The following AMN1 variants were observed in gnomAD, a reference collection of about 807,000 sequenced individuals.
The protein encoded by AMN1 is antagonist of mitotic exit network 1 homolog.
AMN1 carries 20 observed loss-of-function variants against 33.0 expected under a neutral mutation model. The ratio of observed to expected loss-of-function variants is 0.61; its 90% CI spans 0.43 to 0.88. AMN1 has a LOEUF of 0.88. Among genes scored for constraint, AMN1 ranks in the 40% least tolerant of loss-of-function variants. The pLI is 0.00. For missense variants in AMN1, 246 were observed against 307.4 expected, an observed-to-expected ratio of 0.80 and a Z score of 1.49; for synonymous variants, 114 against 111.9, an observed-to-expected ratio of 1.02 and a Z score of -0.12.
At chr12:31,678,851 C>T (rs1388785913) in intron 6 of AMN1, among the ~76,000 whole-genome samples, 1 of 151,792 alleles carries the variant, frequency 6.6e-6, no homozygotes, top group Non-Finnish European at 1.5e-5. Context: ...AGTGATCTGG[C>T]AAAAATAAAC....
chr12:31,709,176 A>T, intron 2 of AMN1, 117 bp downstream of exon 2: 1 of 1,263,564 alleles, frequency 7.9e-7, no homozygotes, highest in Non-Finnish European at 1.1e-6. Flanking sequence ...CCCTGTATAA[A>T]AAAAAAAAAA....
intron 1 of AMN1, among the ~76,000 whole-genome samples, chr12:31,720,974 A>G (rs1565782976): frequency 6.6e-6 from 1 of 152,208 alleles, no homozygotes; most frequent in Admixed American, 6.5e-5. Context: ...AGTGGCTCAT[A>G]TCTATAATCC....
At chr12:31,720,540 C>CAAA (rs764141018) in intron 1 of AMN1, among the ~76,000 whole-genome samples, 2,837 of 124,712 alleles carry the variant, frequency 0.023, 43 homozygotes, top group Middle Eastern at 0.058. Context: ...AACTCTGTCT[C>CAAA]AAAAAAAAAA....
chr12:31,681,396 T>C (rs1043545294), intron 6 of AMN1, among the ~76,000 whole-genome samples: 1 of 152,090 alleles, frequency 6.6e-6, no homozygotes, highest in Non-Finnish European at 1.5e-5. Context: ...GCCTGGCTAA[T>C]TTTTGTATTT....
intron 6 of AMN1, among the ~76,000 whole-genome samples, chr12:31,675,297 G>C (rs940171837): frequency 2.0e-5 from 3 of 151,610 alleles, no homozygotes; most frequent in African/African-American, 7.3e-5. Context: ...GCACATGCCT[G>C]TAGTCCCAAT....
chr12:31,718,167 C>A (rs1340446048), intron 1 of AMN1, among the ~76,000 whole-genome samples: 1 of 151,698 alleles, frequency 6.6e-6, no homozygotes, highest in Non-Finnish European at 1.5e-5. Context: ...GTAAGTTGAT[C>A]TTCAATCTCT....
intron 1 of AMN1, among the ~76,000 whole-genome samples, chr12:31,723,068 G>A (rs1312217703): frequency 6.6e-6 from 1 of 152,094 alleles, no homozygotes; most frequent in African/African-American, 2.4e-5. Context: ...TGAGGCAGGA[G>A]AATCACTTGA....
At chr12:31,704,973 C>T (rs147478780) in intron 2 of AMN1, among the ~76,000 whole-genome samples, 148 of 152,224 alleles carry the variant, frequency 9.7e-4, no homozygotes, top group Non-Finnish European at 1.7e-3. Context: ...ATCTATGAGT[C>T]ACATATAACA....
At chr12:31,682,677 A>G (rs1938075617) in intron 6 of AMN1, among the ~76,000 whole-genome samples, 1 of 152,164 alleles carries the variant, frequency 6.6e-6, no homozygotes, top group African/African-American at 2.4e-5. Flanking sequence ...TTGGTTATTT[A>G]GGCTATACTT....
Position 31,677,565 on chromosome 12 carries a change from T to C in AMN1, c.704-5188A>G, listed in dbSNP as rs79060228. Among the ~76,000 whole-genome samples, 1,472 of 152,310 alleles carry C rather than the reference T, an allele frequency of 9.7e-3. 20 individuals carry two copies. The highest frequency in any genetic ancestry group is 0.034 in the African/African-American group (1,393 of 41,556). On this transcript the variant is annotated intron_variant, in intron 6 of 6. Transcript: ENST00000281471. The stretch of plus-strand genomic sequence containing the variant: ...AATCAATTGTATCTCTGTTCCCTTA[T>C]CTTTAAAATGAGGGAGTTGTATAGA...
chr12:31,720,562 TC>T (rs1353645673), intron 1 of AMN1, among the ~76,000 whole-genome samples: 2 of 149,664 alleles, frequency 1.3e-5, no homozygotes, highest in Non-Finnish European at 3.0e-5. Flanking sequence ...AAAAAGTCAA[TC>T]CCCATTCCTC....
intron 6 of AMN1, among the ~76,000 whole-genome samples, chr12:31,677,926 T>G (rs1342162529): frequency 6.6e-6 from 1 of 152,160 alleles, no homozygotes; most frequent in Non-Finnish European, 1.5e-5. Context: ...TAGGAGATCA[T>G]AAGGCCCTCA....
At position 31,709,328 on chromosome 12, in the gene AMN1, T is replaced by C. The variant is rs771911909; in HGVS notation, c.136A>G (p.Met46Val). Residue 46 changes from methionine (M) to valine (V), a missense_variant, in exon 2 of 7, where the codon ATG (methionine) becomes GTG (valine). Met to Val is a conservative substitution (Grantham distance 21). Coordinates refer to ENST00000281471, the MANE Select transcript of AMN1 (RefSeq NM_001113402.2). ...IKDRLIKIMSMQGQITDSNIS... is the reference protein window; with the variant it reads ...IKDRLIKIMSVQGQITDSNIS... ...TTTGAATCTGTTATCTGTCCCTGCA[T>C]ACTCATTATTTTAATCAGTCTGTCT... 1.1e-5 allele frequency: 17 copies of C among 1,613,638 alleles called. No homozygotes were observed. Among genetic ancestry groups the C allele is most frequent in the Middle Eastern group, 1.6e-4 (1 of 6,084 alleles).
intron 1 of AMN1, among the ~76,000 whole-genome samples, chr12:31,724,247 T>C (rs1331930112): frequency 6.6e-6 from 1 of 152,132 alleles, no homozygotes; most frequent in African/African-American, 2.4e-5. Flanking sequence ...CTACAAGGAT[T>C]GGGTGGAAAA....
At chr12:31,720,015 T>C (rs1939822418) in intron 1 of AMN1, among the ~76,000 whole-genome samples, 1 of 152,254 alleles carries the variant, frequency 6.6e-6, no homozygotes, top group African/African-American at 2.4e-5. Flanking sequence ...ATATATTTCA[T>C]TGTGTGAATA....
At chr12:31,681,300 C>T (rs1938001886) in intron 6 of AMN1, among the ~76,000 whole-genome samples, 1 of 152,114 alleles carries the variant, frequency 6.6e-6, no homozygotes, top group Non-Finnish European at 1.5e-5. Flanking sequence ...ATGACCTTGG[C>T]TCACTGCAAC....
rs185858481 is a variant in AMN1, at chr12:31,718,720, T to C, written c.39-9295A>G. 3.7e-3 allele frequency among the ~76,000 whole-genome samples: 570 copies of C among 152,342 alleles called. 2 individuals are homozygous for C. Among genetic ancestry groups the C allele is most frequent in the Middle Eastern group, 0.014 (4 of 294 alleles). On this transcript the variant is annotated intron_variant, in intron 1 of 6. Coordinates refer to ENST00000281471, the MANE Select transcript of AMN1 (RefSeq NM_001113402.2). Reference sequence around the variant, plus strand: ...ACTGGAGGTCCACTCCAGACCCTGTTTGCCTGGGTCTATAGACCTGTCTGC... The same window carrying C: ...ACTGGAGGTCCACTCCAGACCCTGTCTGCCTGGGTCTATAGACCTGTCTGC...
chr12:31,695,448 T>G (rs905426570), intron 5 of AMN1, among the ~76,000 whole-genome samples: 5 of 151,084 alleles, frequency 3.3e-5, no homozygotes, highest in Non-Finnish European at 7.4e-5. Context: ...AATTCAAAAC[T>G]TGGTATAATA....
intron 6 of AMN1, among the ~76,000 whole-genome samples, chr12:31,679,475 A>G (rs1396404626): frequency 2.0e-5 from 3 of 152,020 alleles, no homozygotes; most frequent in African/African-American, 7.2e-5. Context: ...AGGTTGCAGT[A>G]AACTGAGATG....
Sources: allele counts gnomAD v4.1 joint callset (sites outside exome capture counted in the v4.1 genomes callset), GRCh38; gene constraint gnomAD v4.1.1; transcripts MANE v1.5; gene names NCBI Gene and HGNC (gene_info 2026-07-23, HGNC 2026-07-21).